The following TENM2 variants were observed in gnomAD, a reference collection of about 807,000 sequenced individuals.
TENM2 encodes teneurin-2.
TENM2 carries 52 observed loss-of-function variants against 245.2 expected under a neutral mutation model. The observed-to-expected ratio is 0.21, with a 90% CI of 0.17 to 0.27. The LOEUF (loss-of-function observed/expected upper bound fraction) is 0.27, where lower values mean the gene tolerates loss of function less well. Ranked by LOEUF, TENM2 falls within the 10% of genes least tolerant of loss-of-function variation. TENM2 has a pLI of 1.00. For synonymous variants in TENM2, 1,363 were observed against 1,438.9 expected (o/e 0.95, Z 1.19); for missense variants, 3,046 against 3,666.8 (o/e 0.83, Z 4.37).
intron 2 of TENM2, among the ~76,000 whole-genome samples, chr5:167,628,379 A>G (rs1228592376): frequency 6.6e-6 from 1 of 152,206 alleles, no homozygotes; most frequent in African/African-American, 2.4e-5. Context: ...ATAACGTTGA[A>G]GGTCCTCTGT....
At chr5:167,948,854 A>C (rs1172346129) in intron 3 of TENM2, 1 of 152,182 alleles carries the variant, frequency 6.6e-6, no homozygotes, top group Non-Finnish European at 1.5e-5. Context: ...TGAGTTATTC[A>C]TCTCCGTTTC....
chr5:167,812,332 C>A (rs766563333), intron 2 of TENM2, among the ~76,000 whole-genome samples: 104 of 152,156 alleles, frequency 6.8e-4, no homozygotes, highest in Non-Finnish European at 1.2e-3. Flanking sequence ...GGCATTGCTT[C>A]TGTCCCTGCT....
the TENM2 span, among the ~76,000 whole-genome samples, chr5:167,107,825 C>A: frequency 6.6e-6 from 1 of 152,184 alleles, no homozygotes; most frequent in Non-Finnish European, 1.5e-5. Flanking sequence ...AGTCTGTACC[C>A]TTAAGCCATA....
chr5:168,117,859 G>A lies in TENM2; in HGVS notation c.1814-433G>A, dbSNP rs930759653. On this transcript the variant is annotated intron_variant, in intron 9 of 28. Transcript: ENST00000518659. ...CCAACAACAGAACAACCATAAGGACGTCAGTGTCGCTTAGTGAAGGGTACC... is the reference window on the plus strand; with the variant it reads ...CCAACAACAGAACAACCATAAGGACATCAGTGTCGCTTAGTGAAGGGTACC... 3.3e-5 allele frequency among the ~76,000 whole-genome samples: 5 copies of A among 152,188 alleles called. No homozygotes were observed. In the East Asian group the frequency reaches 5.8e-4, roughly 18 times the overall value.
At chr5:167,334,198 C>T (rs971249313) in intron 1 of TENM2, among the ~76,000 whole-genome samples, 50 of 152,234 alleles carry the variant, frequency 3.3e-4, no homozygotes, top group African/African-American at 1.2e-3. Flanking sequence ...GGTTAAGTAG[C>T]TTACTAAAGT....
the TENM2 span, among the ~76,000 whole-genome samples, chr5:167,070,375 C>A: frequency 3.3e-5 from 5 of 150,332 alleles, no homozygotes; most frequent in African/African-American, 9.9e-5. Context: ...ATGATCCCCC[C>A]ATCTTGGCCT....
intron 2 of TENM2, among the ~76,000 whole-genome samples, chr5:167,547,031 A>C (rs1254471778): frequency 2.0e-5 from 3 of 152,168 alleles, no homozygotes; most frequent in Admixed American, 2.0e-4. Context: ...AGTGCGACTT[A>C]AACTTGAAGT....
chr5:167,173,135 G>A, the TENM2 span, among the ~76,000 whole-genome samples: 538 of 152,216 alleles, frequency 3.5e-3, 5 homozygotes, highest in African/African-American at 0.012. Context: ...TACAGCAGGC[G>A]ACACATAGGG....
intron 20 of TENM2, 64 bp downstream of exon 22, chr5:168,211,818 T>A: frequency 9.1e-7 from 1 of 1,097,578 alleles, no homozygotes; most frequent in South Asian, 1.5e-5. Flanking sequence ...GTGTTTGCTT[T>A]TTTTGTTTTG....
chr5:168,117,378 G>T (rs921099392), intron 9 of TENM2, among the ~76,000 whole-genome samples: 8 of 152,004 alleles, frequency 5.3e-5, no homozygotes, highest in African/African-American at 1.9e-4. Context: ...TATCCTCAGG[G>T]GATACATTCC....
intron 2 of TENM2, among the ~76,000 whole-genome samples, chr5:167,800,145 T>C (rs1317616684): frequency 6.6e-6 from 1 of 152,240 alleles, no homozygotes; most frequent in African/African-American, 2.4e-5. Flanking sequence ...ATCTGCACAA[T>C]GTGCATGCAT....
the TENM2 span, among the ~76,000 whole-genome samples, chr5:167,157,918 A>G: frequency 6.6e-6 from 1 of 152,238 alleles, no homozygotes; most frequent in Non-Finnish European, 1.5e-5. Context: ...TTTATAATGT[A>G]CAATGAGAAA....
chr5:168,114,096 T>C (rs1413993604), intron 9 of TENM2, among the ~76,000 whole-genome samples: 1 of 152,226 alleles, frequency 6.6e-6, no homozygotes, highest in African/African-American at 2.4e-5. Context: ...GAAGTCAGAT[T>C]AGAGATTCAG....
the TENM2 span, among the ~76,000 whole-genome samples, chr5:167,210,958 G>A: frequency 6.6e-6 from 1 of 152,094 alleles, no homozygotes; most frequent in South Asian, 2.1e-4. Context: ...AATCCCAGAA[G>A]GGTAAATAAT....
At chr5:167,285,918 C>T (rs1010360811) in intron 1 of TENM2, among the ~76,000 whole-genome samples, 6 of 152,218 alleles carry the variant, frequency 3.9e-5, no homozygotes, top group African/African-American at 1.4e-4. Context: ...AACACTGATT[C>T]TTTATTTCTT....
In TENM2 at chr5:168,244,034, G is replaced by A. The variant is rs1766337647; in HGVS notation, c.5521-386G>A. Among the ~76,000 whole-genome samples, 1 of 150,728 alleles carries A rather than the reference G, an allele frequency of 6.6e-6. No homozygotes were observed. ...GCTCACTGCCATCTCCACCTCCCAG[G>A]TTCAAGTGATTCTCCTGCCTCAGCC... On this transcript the variant is annotated intron_variant, in intron 25 of 28. Transcript: ENST00000518659. This position sits in a 1 kb window ranked among gnomAD's most constrained non-coding sequence, Gnocchi z 4.9.
intron 2 of TENM2, among the ~76,000 whole-genome samples, chr5:167,772,583 C>T (rs996121444): frequency 2.0e-5 from 3 of 151,588 alleles, no homozygotes; most frequent in Admixed American, 6.6e-5. Context: ...ATACCAGGCC[C>T]GACATTTTCT....
At chr5:167,246,692 T>A in the TENM2 span, among the ~76,000 whole-genome samples, 4 of 152,090 alleles carry the variant, frequency 2.6e-5, no homozygotes. Flanking sequence ...GCTGCCTGTT[T>A]CCCACAGATA....
At chr5:168,082,240 G>A (rs2152203554) in intron 7 of TENM2, among the ~76,000 whole-genome samples, 1 of 152,268 alleles carries the variant, frequency 6.6e-6, no homozygotes, top group South Asian at 2.1e-4. Context: ...TGAAGCTTGT[G>A]CATGCGTCAC....
Sources: gnomAD v4.1 joint callset for allele counts (sites outside exome capture counted in the v4.1 genomes callset) on GRCh38, gnomAD v4.1.1 for gene constraint, Gnocchi (gnomAD v3.1) non-coding constraint, MANE v1.5 for transcripts, NCBI Gene and HGNC (gene_info 2026-07-23, HGNC 2026-07-21) for gene names.